ESPN: variants seen among roughly 807,000 people sequenced by gnomAD.
ESPN encodes the protein autosomal recessive deafness type 36 protein.
Under a neutral mutation model 77.7 loss-of-function variants are expected in ESPN, and 68 were observed. That is an observed-to-expected ratio of 0.87 (90% CI 0.72 to 1.07). The LOEUF is 1.07. Among genes scored for constraint, ESPN ranks in the 50% least tolerant of loss-of-function variants. ESPN has a pLI of 0.00. For synonymous variants in ESPN, 449 were observed against 567.1 expected (o/e 0.79, Z 2.96); for missense variants, 1,060 against 1,239.0 (o/e 0.86, Z 2.17).
In ESPN at chr1:6,451,926, A is replaced by G; in HGVS notation, c.2155A>G (p.Ser719Gly). The G allele has an allele frequency of 6.2e-7, 1 of 1,610,998 alleles. No homozygotes were observed. Among genetic ancestry groups the G allele is most frequent in the South Asian group, 1.1e-5 (1 of 90,446 alleles). The change falls in exon 10 of 13, where the codon AGC (serine) becomes GGC (glycine). Residue 719 changes from serine to glycine, a missense_variant. This residue lies in a region of ESPN where 374 missense variants were observed against 381.4 expected (regional missense o/e 0.98). Transcript: ENST00000645284. This position sits in a 1 kb window ranked among gnomAD's most constrained non-coding sequence, Gnocchi z 4.3. ...GGGGTTTCAGCCGCTGCTCAATGGA[A>G]GCTTGGTTCCCGTGCCGCCCACTAC... ...AAGFQPLLNG[S>G]LVPVPPTTPA... is the part of the protein sequence containing the mutation.
At chr1:6,429,155 T>C (rs1389791936) in intron 2 of ESPN, among the ~76,000 whole-genome samples, 1 of 151,568 alleles carries the variant, frequency 6.6e-6, no homozygotes, top group Non-Finnish European at 1.5e-5. Context: ...GCAGGGATCC[T>C]GGGGAAAGCT....
intron 12 of ESPN, among the ~76,000 whole-genome samples, chr1:6,458,800 G>A (rs1156466872): frequency 6.7e-6 from 1 of 149,460 alleles, no homozygotes; most frequent in Non-Finnish European, 1.5e-5. Flanking sequence ...TCGTGATGGC[G>A]CATGCCTGTA....
Position 6,424,784 on chromosome 1 carries a change from G to A in ESPN, c.-172G>A. On this transcript the variant is annotated 5_prime_UTR_variant, in exon 1 of 13. Transcript: ENST00000645284. ...CCGCGGGCTCCGGCCCCAGAGCGCG[G>A]CGGAGCGGAGCGCCAGGCAGCGCGG... 1.5e-6 allele frequency: 1 copy of A among 666,386 alleles called. No individual in the cohort carries two copies. Among genetic ancestry groups the A allele is most frequent in the South Asian group, 6.9e-5 (1 of 14,588 alleles). 41.3% of individuals were successfully genotyped at this position (666,386 alleles called of 1,614,324 possible).
intron 2 of ESPN, 134 bp from the exon 3 acceptor site, chr1:6,440,120 G>A (rs1186794639): frequency 9.5e-6 from 9 of 949,928 alleles, no homozygotes; most frequent in Non-Finnish European, 1.5e-5. Context: ...GGGCAGCAGC[G>A]GGCCGGTGAC....
chr1:6,433,733 G>A (rs1643335424), intron 2 of ESPN, among the ~76,000 whole-genome samples: 1 of 152,038 alleles, frequency 6.6e-6, no homozygotes, highest in African/African-American at 2.4e-5. Flanking sequence ...ACAGGCCAGC[G>A]CCCCTGCCTT....
At chr1:6,431,406 C>G (rs556125110) in intron 2 of ESPN, among the ~76,000 whole-genome samples, 1 of 152,056 alleles carries the variant, frequency 6.6e-6, no homozygotes, top group South Asian at 2.1e-4. Flanking sequence ...GTCAAGAGTT[C>G]AAAACCAGCC....
At chr1:6,449,348 CT>C (rs368540506) in intron 8 of ESPN, among the ~76,000 whole-genome samples, 110 of 152,248 alleles carry the variant, frequency 7.2e-4, no homozygotes, top group African/African-American at 2.4e-3. Flanking sequence ...CACCCCCTAG[CT>C]GTGTGGCCTG....
intron 3 of ESPN, 24 bp from the exon 4 acceptor site, chr1:6,440,602 C>CCAAAAG: frequency 1.6e-6 from 2 of 1,256,468 alleles, no homozygotes; most frequent in Non-Finnish European, 2.2e-6. Flanking sequence ...CCCCCGCCCC[C>CCAAAAG]CTCTCCCCGC....
In ESPN at chr1:6,445,645, C is replaced by T. The variant is rs1333451218; in HGVS notation, c.1193-19C>T. ...TGTCTGCATGCTCCCAAATCTGGCC[C>T]TTCCTTCTGCCTCCCCAGGGCTTTC... On this transcript the variant is annotated intron_variant, in intron 6 of 12. Transcript: ENST00000645284. 1.2e-6 allele frequency: 2 copies of T among 1,610,482 alleles called. No individual in the cohort carries two copies. The highest frequency in any genetic ancestry group is 1.3e-5 in the African/African-American group (1 of 74,866).
Position 6,447,673 on chromosome 1 carries a change from C to T in ESPN, c.1465-968C>T, listed in dbSNP as rs937509945. On this transcript the variant is annotated intron_variant, in intron 7 of 12. Transcript: ENST00000645284. This position sits in a 1 kb window ranked among gnomAD's most constrained non-coding sequence, Gnocchi z 5.2. ...GCCCCTGAAATCCGAGGCTTGAGCG[C>T]GGGTGTCGGTGTCGCTTTCGTGGAT... 1.3e-5 allele frequency among the ~76,000 whole-genome samples: 2 copies of T among 152,142 alleles called. No individual in the cohort carries two copies. Among genetic ancestry groups the T allele is most frequent in the African/African-American group, 4.8e-5 (2 of 41,436 alleles).
rs1311151781 is a variant in ESPN at position 6,447,129 on chromosome 1, G to A, written c.1464+1194G>A. On this transcript the variant is annotated intron_variant, in intron 7 of 12. Coordinates refer to ENST00000645284, the MANE Select transcript of ESPN (RefSeq NM_031475.3). The surrounding 1 kb of genome is among the most constrained non-coding windows in gnomAD (Gnocchi z 5.2). Reference sequence around the variant, plus strand: ...TGCCAGGTCTGCGTGGTCCCCTCCTGGCTGTGTGAGCCCCCTCCCGGCTGT... The same window carrying A: ...TGCCAGGTCTGCGTGGTCCCCTCCTAGCTGTGTGAGCCCCCTCCCGGCTGT... 1 of 153,104 alleles carries A rather than the reference G, an allele frequency of 6.5e-6. No homozygotes were observed. The highest frequency in any genetic ancestry group is 1.4e-5 in the Non-Finnish European group (1 of 69,030). The allele number at this position is 153,104 out of a possible 1,614,324, so 9.5% of individuals were successfully genotyped here. A position where few individuals can be genotyped will look rare whatever the true frequency, so the allele number is the denominator to read the frequency against.
At position 6,427,068 on chromosome 1, in the gene ESPN, C is replaced by T. The variant is rs982631444; in HGVS notation, c.295-1158C>T. Among the ~76,000 whole-genome samples the T allele has an allele frequency of 3.3e-5, 5 of 152,106 alleles. No individual in the cohort carries two copies. The highest frequency in any genetic ancestry group is 9.7e-5 in the African/African-American group (4 of 41,404). On this transcript the variant is annotated intron_variant, in intron 1 of 12. Coordinates refer to ENST00000645284, the MANE Select transcript of ESPN (RefSeq NM_031475.3). The surrounding 1 kb of genome is among the most constrained non-coding windows in gnomAD (Gnocchi z 4.6). Reference sequence around the variant, plus strand: ...TTCTCACGGGAGCCTCAGAGGTTCTCTTCCCACCGTGATTTGACTTCCTGA... The same window carrying T: ...TTCTCACGGGAGCCTCAGAGGTTCTTTTCCCACCGTGATTTGACTTCCTGA...
chr1:6,460,183 T>C lies in ESPN; in HGVS notation c.*37T>C, dbSNP rs1234905473. On this transcript the variant is annotated 3_prime_UTR_variant, in exon 13 of 13. Coordinates refer to ENST00000645284, the MANE Select transcript of ESPN (RefSeq NM_031475.3). ...TCCTGTCCGCAGCCTCGCAGCTCCGTGGGGCCCTCCGCCCCAGCCCCAGCC... is the reference window on the plus strand; with the variant it reads ...TCCTGTCCGCAGCCTCGCAGCTCCGCGGGGCCCTCCGCCCCAGCCCCAGCC... 1 of 1,599,472 alleles carries C rather than the reference T, an allele frequency of 6.3e-7. No homozygotes were observed. The highest frequency in any genetic ancestry group is 8.5e-7 in the Non-Finnish European group (1 of 1,171,070).
At chr1:6,452,964 C>T (rs1262582315) in intron 10 of ESPN, among the ~76,000 whole-genome samples, 1 of 151,994 alleles carries the variant, frequency 6.6e-6, no homozygotes, top group African/African-American at 2.4e-5. Flanking sequence ...GCGATCTCGA[C>T]TCACTGCAAC....
chr1:6,456,381 C>A, intron 10 of ESPN: 2 of 376,380 alleles, frequency 5.3e-6, no homozygotes, highest in Admixed American at 4.5e-5. Flanking sequence ...GGCTGTGGGG[C>A]GTTGGTCGGA....
Position 6,427,597 on chromosome 1 carries a change from G to A in ESPN, c.295-629G>A, listed in dbSNP as rs1234394213. 2.0e-5 allele frequency among the ~76,000 whole-genome samples: 3 copies of A among 152,200 alleles called. No homozygotes were observed. The highest frequency in any genetic ancestry group is 2.9e-5 in the Non-Finnish European group (2 of 68,042). On this transcript the variant is annotated intron_variant, in intron 1 of 12. Coordinates refer to ENST00000645284, the MANE Select transcript of ESPN (RefSeq NM_031475.3). This position sits in a 1 kb window ranked among gnomAD's most constrained non-coding sequence, Gnocchi z 4.6. ...CAGCAACTTCCACCTCCACAGGGGC[G>A]AGAACACAGGCTGCTCCTGTGGCTG... is the stretch of plus-strand genomic sequence containing the variant.
At chr1:6,426,952 C>T (rs1250239784) in intron 1 of ESPN, among the ~76,000 whole-genome samples, 1 of 152,160 alleles carries the variant, frequency 6.6e-6, no homozygotes, top group Non-Finnish European at 1.5e-5. Flanking sequence ...GCAGGACAGC[C>T]AGACAATTGC....
rs937509945 is a variant in ESPN, at chr1:6,447,673, C to A, written c.1465-968C>A. 1.6e-4 allele frequency among the ~76,000 whole-genome samples: 25 copies of A among 152,260 alleles called. No homozygotes were observed. The highest frequency in any genetic ancestry group is 2.8e-4 in the Non-Finnish European group (19 of 68,016). On this transcript the variant is annotated intron_variant, in intron 7 of 12. Coordinates refer to ENST00000645284, the MANE Select transcript of ESPN (RefSeq NM_031475.3). This position sits in a 1 kb window ranked among gnomAD's most constrained non-coding sequence, Gnocchi z 5.2. ...GCCCCTGAAATCCGAGGCTTGAGCG[C>A]GGGTGTCGGTGTCGCTTTCGTGGAT... is the stretch of plus-strand genomic sequence containing the variant.
Position 6,450,414 on chromosome 1 carries a change from C to T in ESPN, c.1916-1189C>T, listed in dbSNP as rs988431449. 1.4e-4 allele frequency: 138 copies of T among 954,832 alleles called. No individual in the cohort carries two copies. Among genetic ancestry groups the T allele is most frequent in the Non-Finnish European group, 1.7e-4 (135 of 801,558 alleles). 59.1% of individuals were successfully genotyped at this position (954,832 alleles called of 1,614,324 possible). A position where few individuals can be genotyped will look rare whatever the true frequency, so the allele number is the denominator to read the frequency against. ...TCCTGCCCCCCCTCCCTCCTAACTC[C>T]GCTGTCACTTCTCTCCTCTTGGTCC... On this transcript the variant is annotated intron_variant, in intron 8 of 12. Coordinates refer to ENST00000645284, the MANE Select transcript of ESPN (RefSeq NM_031475.3). This position sits in a 1 kb window ranked among gnomAD's most constrained non-coding sequence, Gnocchi z 4.3.
Sources: gnomAD v4.1 joint callset for allele counts (sites outside exome capture counted in the v4.1 genomes callset) on GRCh38, gnomAD v4.1.1 for gene constraint, gnomAD v4.1.1 regional missense constraint, Gnocchi (gnomAD v3.1) non-coding constraint, MANE v1.5 for transcripts, NCBI Gene and HGNC (gene_info 2026-07-23, HGNC 2026-07-21) for gene names.